Variants in FAM83C observed in about 807,000 individuals in gnomAD.
FAM83C encodes the protein protein FAM83C.
FAM83C carries 23 observed loss-of-function variants against 27.1 expected under a neutral mutation model. That is an observed-to-expected ratio of 0.85 (90% confidence interval 0.61 to 1.20). The LOEUF (loss-of-function observed/expected upper bound fraction) is 1.20, where lower values mean the gene tolerates loss of function less well. FAM83C is among the 50% of genes most tolerant of loss of function. The probability of loss-of-function intolerance (pLI) is 0.00; values close to 1 mark genes in which losing one functional copy is unlikely to be tolerated. For missense variants in FAM83C, 984 were observed against 1,001.3 expected (o/e 0.98, Z 0.23); for synonymous variants, 426 against 423.1 (o/e 1.01, Z -0.09).
At position 35,291,942 on chromosome 20, in the gene FAM83C, A is replaced by G; in HGVS notation, c.363T>C (p.Ser121=). The change falls in exon 1 of 4, where the codon TCT becomes TCC. Residue 121 remains serine (S), a synonymous_variant. Transcript: ENST00000374408. Reference sequence around the variant, plus strand: ...GGTCCAGGTCTGGGGGGTCTATGTCAGAGGCCATGGGGAAGTAAGTCCCTG... The same window carrying G: ...GGTCCAGGTCTGGGGGGTCTATGTCGGAGGCCATGGGGAAGTAAGTCCCTG... The part of the protein sequence containing the change: ...VTSGTYFPMA[S]DIDPPDLDLG... 6.2e-7 allele frequency: 1 copy of G among 1,610,892 alleles called. No homozygotes were observed. The highest frequency in any genetic ancestry group is 1.3e-5 in the African/African-American group (1 of 74,986).
rs201800817 is a variant in FAM83C, at chr20:35,291,815, A to G, written c.490T>C (p.Phe164Leu). 6.2e-7 allele frequency: 1 copy of G among 1,614,112 alleles called. No individual in the cohort carries two copies. Among genetic ancestry groups the G allele is most frequent in the African/African-American group, 1.3e-5 (1 of 75,046 alleles). The change falls in exon 1 of 4, where the codon TTC (phenylalanine) becomes CTC (leucine). Residue 164 changes from phenylalanine (F) to leucine (L), a missense_variant. Coordinates refer to ENST00000374408, the MANE Select transcript of FAM83C (RefSeq NM_178468.6). ...ACCGTGTGGGCCTGGCTGAAAAGGA[A>G]GCGCAGCAGGTCCTTGATGTTCTTG... is the stretch of plus-strand genomic sequence containing the variant. ...KAKNIKDLLR[F>L]LFSQAHTVVA...
In FAM83C at chr20:35,292,343, T is replaced by A. The variant is rs111916968; in HGVS notation, c.-39A>T. On this transcript the variant is annotated 5_prime_UTR_variant, in exon 1 of 4. The change abolishes an upstream ATG in the 5' untranslated region. Coordinates refer to ENST00000374408, the MANE Select transcript of FAM83C (RefSeq NM_178468.6). ...CTGCCTCACCCGCCGGCAGGGCCCA[T>A]GGCCCGCACGCTGGGCTGGCTGCAG... The A allele has an allele frequency of 0.089, 129,238 of 1,447,148 alleles. 6,397 individuals are homozygous for A. The highest frequency in any genetic ancestry group is 0.2 in the South Asian group (13,673 of 69,392). The allele number at this position is 1,447,148 out of a possible 1,614,324, so 89.6% of individuals were successfully genotyped here.
chr20:35,290,165 A>G (rs779485823), intron 1 of FAM83C, among the ~76,000 whole-genome samples: 4 of 152,158 alleles, frequency 2.6e-5, no homozygotes, highest in Non-Finnish European at 5.9e-5. Context: ...CCCATGCCAA[A>G]TGGATCCAAG....
At chr20:35,288,170 A>AG (rs61069906) in intron 3 of FAM83C, among the ~76,000 whole-genome samples, 198 bp from the exon 4 acceptor site, 1 of 72,374 alleles carries the variant, frequency 1.4e-5, no homozygotes, top group African/African-American at 1.9e-4. Flanking sequence ...GACCTCATGG[A>AG]GGCCCCAACT....
At chr20:35,291,138 G>T (rs1390704937) in intron 1 of FAM83C, among the ~76,000 whole-genome samples, 2 of 152,190 alleles carry the variant, frequency 1.3e-5, no homozygotes, top group African/African-American at 4.8e-5. Context: ...TGGTTCCAAA[G>T]CCCAGCCCTC....
At position 35,292,397 on chromosome 20, in the gene FAM83C, T is replaced by TCTGC; in HGVS notation, c.-97_-94dup. 3 of 1,420,992 alleles carry TCTGC rather than the reference T, an allele frequency of 2.1e-6. No individual in the cohort carries two copies. The South Asian group carries it at 4.5e-5, about 21-fold the overall frequency. 88.0% of individuals were successfully genotyped at this position (1,420,992 alleles called of 1,614,324 possible). On this transcript the variant is annotated 5_prime_UTR_variant, in exon 1 of 4. Coordinates refer to ENST00000374408, the MANE Select transcript of FAM83C (RefSeq NM_178468.6). ...GAAGAGGAGACCAGCAGAACCGCCT[T>TCTGC]CTGCCCGCCCGCTCGCTGTGTGTGT...
In FAM83C at chr20:35,286,941, T is replaced by G. The variant is rs1160380247; in HGVS notation, c.1838A>C (p.Asn613Thr). The G allele has an allele frequency of 3.1e-6, 5 of 1,613,620 alleles. No homozygotes were observed. The South Asian group carries it at 5.5e-5, about 18-fold the overall frequency. ...AQGSRVPLETNSSARPARRAP... is the reference protein window; with the variant it reads ...AQGSRVPLETTSSARPARRAP... ...CCGTCTGGCAGGTCTGGCTGAGGAG[T>G]TGGTTTCAAGGGGCACTCTGGAACC... Residue 613 changes from asparagine to threonine, a missense_variant, in exon 4 of 4, where the codon AAC (asparagine) becomes ACC (threonine). Transcript: ENST00000374408.
intron 1 of FAM83C, among the ~76,000 whole-genome samples, chr20:35,289,670 G>A (rs1299081899): frequency 6.6e-6 from 1 of 151,682 alleles, no homozygotes; most frequent in African/African-American, 2.4e-5. Flanking sequence ...TTTTTGTAGA[G>A]ATGGGGTTCT....
At position 35,287,924 on chromosome 20, in the gene FAM83C, C is replaced by G; in HGVS notation, c.855G>C (p.Leu285=). 1 of 1,556,768 alleles carries G rather than the reference C, an allele frequency of 6.4e-7. No homozygotes were observed. Among genetic ancestry groups the G allele is most frequent in the Non-Finnish European group, 8.7e-7 (1 of 1,149,464 alleles). ...CAAAGTCTTCCACGATGCGGCCCCT[C>G]AGCTGCAGCACCATGCTAGTGTGGG... ...SQAHTSMVLQ[L]RGRIVEDFDR... The change falls in exon 4 of 4, where the codon CTG becomes CTC. Residue 285 remains leucine, a synonymous_variant. Transcript: ENST00000374408.
At chr20:35,290,440 G>T (rs1353911213) in intron 1 of FAM83C, among the ~76,000 whole-genome samples, 1 of 152,236 alleles carries the variant, frequency 6.6e-6, no homozygotes, top group Non-Finnish European at 1.5e-5. Flanking sequence ...AGCTTTGGGT[G>T]AGTCCCTTCA....
At chr20:35,288,435 C>A (rs779238651) in intron 3 of FAM83C, 26 bp downstream of exon 3, 10 of 1,612,938 alleles carry the variant, frequency 6.2e-6, no homozygotes, top group Admixed American at 3.3e-5. Context: ...GCCCCAGGCC[C>A]CCCTTGCCTC....
intron 3 of FAM83C, 103 bp from the exon 4 acceptor site, chr20:35,288,075 C>A (rs1050429244): frequency 1.5e-5 from 14 of 962,422 alleles, no homozygotes; most frequent in Admixed American, 5.1e-5. Context: ...ACGCTAGACC[C>A]AAACCCCACC....
Position 35,287,885 on chromosome 20 carries a change from G to A in FAM83C, c.894C>T (p.Arg298=), listed in dbSNP as rs1173664295. 1 of 1,559,906 alleles carries A rather than the reference G, an allele frequency of 6.4e-7. No individual in the cohort carries two copies. The highest frequency in any genetic ancestry group is 1.7e-4 in the Middle Eastern group (1 of 6,006). Residue 298 remains arginine, a synonymous_variant, in exon 4 of 4, where the codon CGC becomes CGT. Coordinates refer to ENST00000374408, the MANE Select transcript of FAM83C (RefSeq NM_178468.6). Reference sequence around the variant, plus strand: ...CAGGCTGCGACTCAGCGTACAGACAGCGGAACTCCCGGTCAAAGTCTTCCA... The same window carrying A: ...CAGGCTGCGACTCAGCGTACAGACAACGGAACTCCCGGTCAAAGTCTTCCA... ...RIVEDFDREF[R]CLYAESQPVE...
rs368215252 is a variant in FAM83C at position 35,292,225 on chromosome 20, T to G, written c.80A>C (p.Lys27Thr). ...GPLRGRVEEL[K>T]LPWWRESSPL... is the part of the protein sequence containing the mutation. The stretch of plus-strand genomic sequence containing the variant: ...TGAGCTCTCCCGCCACCACGGCAGC[T>G]TCAGCTCTTCCACCCGGCCCCGCAG... Residue 27 changes from lysine to threonine, a missense_variant, in exon 1 of 4, where the codon AAG becomes ACG. Lys to Thr is a moderately conservative substitution (Grantham distance 78). Coordinates refer to ENST00000374408, the MANE Select transcript of FAM83C (RefSeq NM_178468.6). 3.2e-6 allele frequency: 5 copies of G among 1,585,150 alleles called. No homozygotes were observed. In the African/African-American group the frequency reaches 6.7e-5, roughly 21 times the overall value.
Position 35,287,356 on chromosome 20 carries a change from C to T in FAM83C, c.1423G>A (p.Glu475Lys), listed in dbSNP as rs1346116424. The part of the protein sequence containing the change: ...FPENGLPGSQ[E>K]PSPLRGRWVP... ...CATCGACCCCGCAGGGGGCTGGGCT[C>T]TTGGCTTCCTGGGAGCCCATTCTCT... is the stretch of plus-strand genomic sequence containing the variant. The change falls in exon 4 of 4, where the codon GAG becomes AAG. Residue 475 changes from glutamate to lysine, a missense_variant. By Grantham distance (56) the Glu-to-Lys change is moderately conservative. Coordinates refer to ENST00000374408, the MANE Select transcript of FAM83C (RefSeq NM_178468.6). 1.2e-6 allele frequency: 2 copies of T among 1,613,780 alleles called. No individual in the cohort carries two copies.
chr20:35,290,554 C>T (rs2060844059), intron 1 of FAM83C, among the ~76,000 whole-genome samples: 2 of 152,200 alleles, frequency 1.3e-5, no homozygotes, highest in African/African-American at 2.4e-5. Context: ...CATAACAGAG[C>T]TCTATAAACA....
chr20:35,287,620 C>T lies in FAM83C; in HGVS notation c.1159G>A (p.Glu387Lys), dbSNP rs1315818992. The T allele has an allele frequency of 2.5e-6, 4 of 1,614,038 alleles. No individual in the cohort carries two copies. Among genetic ancestry groups the T allele is most frequent in the Admixed American group, 1.7e-5 (1 of 60,010 alleles). The change falls in exon 4 of 4, where the codon GAG becomes AAG. Residue 387 changes from glutamate to lysine, a missense_variant. By Grantham distance (56) the Glu-to-Lys change is moderately conservative. Coordinates refer to ENST00000374408, the MANE Select transcript of FAM83C (RefSeq NM_178468.6). ...VSSSLGPARR[E>K]ASGQPSLHRQ... ...TGTAGGGAGGGCTGGCCACTGGCCT[C>T]ACGGCGGGCAGGACCCAGGGACGAG... is the stretch of plus-strand genomic sequence containing the variant.
chr20:35,290,903 T>A (rs2060845061), intron 1 of FAM83C, among the ~76,000 whole-genome samples: 2 of 152,074 alleles, frequency 1.3e-5, no homozygotes, highest in Non-Finnish European at 2.9e-5. Flanking sequence ...CATCCTGGCT[T>A]CCCATCTCTG....
chr20:35,291,584 T>C (rs1414721037), intron 1 of FAM83C, among the ~76,000 whole-genome samples: 1 of 152,234 alleles, frequency 6.6e-6, no homozygotes, highest in Non-Finnish European at 1.5e-5. Flanking sequence ...CCCTGTTCTA[T>C]GCTCATCCAT....
Sources: gnomAD v4.1 joint callset for allele counts (sites outside exome capture counted in the v4.1 genomes callset) on GRCh38, gnomAD v4.1.1 for gene constraint, MANE v1.5 for transcripts, NCBI Gene and HGNC (gene_info 2026-07-23, HGNC 2026-07-21) for gene names.